Variants in TBC1D14 observed in about 807,000 individuals in gnomAD.
TBC1D14 encodes TBC1 domain family, member 14.
TBC1D14 carries 26 observed loss-of-function variants against 79.0 expected under a neutral mutation model. The observed-to-expected ratio is 0.33, with a 90% CI of 0.24 to 0.46. The LOEUF (loss-of-function observed/expected upper bound fraction) is 0.46, where lower values mean the gene tolerates loss of function less well. Ranked by LOEUF, TBC1D14 falls within the 20% of genes least tolerant of loss-of-function variation. The probability of loss-of-function intolerance (pLI) is 1.00; values close to 1 mark genes in which losing one functional copy is unlikely to be tolerated. For synonymous variants in TBC1D14, 394 were observed against 349.9 expected, an observed-to-expected ratio of 1.13 and a Z score of -1.40; for missense variants, 769 against 887.6, an observed-to-expected ratio of 0.87 and a Z score of 1.70.
upstream of TBC1D14, among the ~76,000 whole-genome samples, chr4:6,909,692 G>T (rs1371938629): frequency 1.3e-5 from 2 of 151,140 alleles, no homozygotes; most frequent in South Asian, 2.1e-4. Context: ...CAGACGCGGC[G>T]GCACGGGCGG....
At chr4:6,978,599 ACTGCGGAAGGCCGCAGGGTCCT>A (rs1717051968) in intron 3 of TBC1D14, among the ~76,000 whole-genome samples, 1 of 149,224 alleles carries the variant, frequency 6.7e-6, no homozygotes, top group Non-Finnish European at 1.5e-5. Context: ...GGACACAAAC[ACTGCGGAAGGCCGCAGGGTCCT>A]CTGCATAGGA....
At chr4:6,915,271 T>C (rs916986404) in intron 1 of TBC1D14, among the ~76,000 whole-genome samples, 18 of 152,128 alleles carry the variant, frequency 1.2e-4, no homozygotes, top group African/African-American at 4.3e-4. Context: ...CCAGGAAACA[T>C]GGGGGACCCT....
chr4:7,025,089 C>T lies in TBC1D14; in HGVS notation c.1843C>T (p.Leu615=), dbSNP rs1451180760. Reference sequence around the variant, plus strand: ...GTTCTGTCGCGATGGGGAAGAGTTCCTGTTCCGCACGGCCCTGGGCATCCT... The same window carrying T: ...GTTCTGTCGCGATGGGGAAGAGTTCTTGTTCCGCACGGCCCTGGGCATCCT... ...DVFCRDGEEF[L]FRTALGILKL... Residue 615 remains leucine (L), a synonymous_variant, in exon 13 of 14, where the codon CTG becomes TTG. Coordinates refer to ENST00000409757, the MANE Select transcript of TBC1D14 (RefSeq NM_020773.3). The T allele has an allele frequency of 6.2e-7, 1 of 1,614,210 alleles. No homozygotes were observed. The highest frequency in any genetic ancestry group is 8.5e-7 in the Non-Finnish European group (1 of 1,180,040).
intron 3 of TBC1D14, among the ~76,000 whole-genome samples, chr4:6,974,403 G>A (rs1319883310): frequency 6.6e-6 from 1 of 152,172 alleles, no homozygotes; most frequent in Non-Finnish European, 1.5e-5. Flanking sequence ...AGAAAGTACT[G>A]GGGGGATTGC....
chr4:6,946,087 C>T (rs573257210), intron 2 of TBC1D14, among the ~76,000 whole-genome samples: 2 of 152,216 alleles, frequency 1.3e-5, no homozygotes, highest in Non-Finnish European at 2.9e-5. Context: ...CGATCTGAGG[C>T]AAGGTTCTGT....
intron 2 of TBC1D14, among the ~76,000 whole-genome samples, chr4:6,948,381 A>C (rs1713686227): frequency 6.6e-6 from 1 of 152,180 alleles, no homozygotes; most frequent in African/African-American, 2.4e-5. Flanking sequence ...TTTGCTCAAC[A>C]CTGGCAAACT....
At chr4:7,024,666 G>A (rs1722163212) in intron 12 of TBC1D14, among the ~76,000 whole-genome samples, 2 of 152,352 alleles carry the variant, frequency 1.3e-5, no homozygotes, top group South Asian at 4.1e-4. Flanking sequence ...CGCTTGCTCT[G>A]TGGGTGGCGC....
intron 2 of TBC1D14, among the ~76,000 whole-genome samples, chr4:6,957,871 C>T (rs1406881618): frequency 6.6e-6 from 1 of 151,684 alleles, no homozygotes. Context: ...CCACTGTACT[C>T]CAGCCTGGGT....
intron 2 of TBC1D14, among the ~76,000 whole-genome samples, chr4:6,956,082 G>A (rs535978462): frequency 3.3e-5 from 5 of 152,160 alleles, no homozygotes; most frequent in Non-Finnish European, 7.3e-5. Flanking sequence ...AGAAGAGGTG[G>A]TACCCACTTC....
At chr4:7,014,125 G>A (rs1577173210) in intron 11 of TBC1D14, among the ~76,000 whole-genome samples, 1 of 152,176 alleles carries the variant, frequency 6.6e-6, no homozygotes, top group South Asian at 2.1e-4. Context: ...CCTTTGCAGC[G>A]GGACAGGCAC....
intron 1 of TBC1D14, among the ~76,000 whole-genome samples, chr4:6,920,013 C>G (rs1466567754): frequency 6.6e-6 from 1 of 151,574 alleles, no homozygotes; most frequent in Non-Finnish European, 1.5e-5. Flanking sequence ...CTCCTGGGCT[C>G]AAGAGATCTC....
In TBC1D14 at chr4:6,941,936, G is replaced by A. The variant is rs117729248; in HGVS notation, c.722+17825G>A. On this transcript the variant is annotated intron_variant, in intron 2 of 13. Coordinates refer to ENST00000409757, the MANE Select transcript of TBC1D14 (RefSeq NM_020773.3). ...GGTTAGGTTCAGCCTGGGAGGTGGC[G>A]ATTCAGTATGAAATGCAGGAGAACT... Among the ~76,000 whole-genome samples, 449 of 152,258 alleles carry A rather than the reference G, an allele frequency of 2.9e-3. 12 individuals are homozygous for A. In the East Asian group the frequency reaches 0.065, roughly 22 times the overall value.
At chr4:7,019,762 TCAGGGAGGAC>T (rs1721636580) in intron 12 of TBC1D14, among the ~76,000 whole-genome samples, 4 of 94,396 alleles carry the variant, frequency 4.2e-5, no homozygotes, top group African/African-American at 9.0e-5. Context: ...TGGGCTCAGG[TCAGGGAGGAC>T]TCTGGGGCAC....
At chr4:6,961,212 GTAGGCTCTTCACATGGCCGGGT>G in intron 2 of TBC1D14, among the ~76,000 whole-genome samples, 2 of 151,862 alleles carry the variant, frequency 1.3e-5, no homozygotes, top group African/African-American at 4.8e-5. Context: ...TGGCTTACAG[GTAGGCTCTTCACATGGCCGGGT>G]GTGGCCTGAT....
At chr4:7,019,688 G>T (rs1721619381) in intron 12 of TBC1D14, among the ~76,000 whole-genome samples, 1 of 151,478 alleles carries the variant, frequency 6.6e-6, no homozygotes, top group Non-Finnish European at 1.5e-5. Flanking sequence ...CAGAAAGACT[G>T]GAACCCTGCT....
intron 2 of TBC1D14, among the ~76,000 whole-genome samples, chr4:6,943,315 GAT>G (rs1713093294): frequency 6.6e-6 from 1 of 152,220 alleles, no homozygotes; most frequent in African/African-American, 2.4e-5. Context: ...CCTCGGCTGT[GAT>G]GTCTTTTCCT....
At chr4:6,912,978 T>C (rs1378100038) in intron 1 of TBC1D14, among the ~76,000 whole-genome samples, 1 of 152,228 alleles carries the variant, frequency 6.6e-6, no homozygotes, top group Non-Finnish European at 1.5e-5. Context: ...TTTTGTTTTT[T>C]GTTTTGTTCT....
intron 3 of TBC1D14, chr4:6,987,335 GC>G: frequency 2.8e-6 from 4 of 1,422,640 alleles, no homozygotes; most frequent in Admixed American, 2.5e-5. Context: ...CGCCTCTAAG[GC>G]CCCGGCGTTC....
intron 2 of TBC1D14, 109 bp downstream of exon 2, chr4:6,924,220 G>C (rs1370407056): frequency 7.1e-6 from 10 of 1,402,154 alleles, no homozygotes; most frequent in Non-Finnish European, 9.4e-6. Flanking sequence ...GGCAGGCACT[G>C]TCTCACACAG....
Sources: gnomAD v4.1 joint callset for allele counts (sites outside exome capture counted in the v4.1 genomes callset) on GRCh38, gnomAD v4.1.1 for gene constraint, MANE v1.5 for transcripts, NCBI Gene and HGNC (gene_info 2026-07-23, HGNC 2026-07-21) for gene names.